The following RBFOX3 variants were observed in gnomAD, a reference collection of about 807,000 sequenced individuals.
RBFOX3 encodes the protein RNA binding fox-1 homolog 3, also known as RNA binding protein fox-1 homolog 3.
In RBFOX3, 17 loss-of-function variants were observed where a neutral mutation model predicts 48.7. That is an observed-to-expected ratio of 0.35 (90% CI 0.24 to 0.52). The LOEUF (loss-of-function observed/expected upper bound fraction) is 0.52. Ranked by LOEUF, RBFOX3 falls within the 20% of genes least tolerant of loss-of-function variation. The pLI is 0.94. For synonymous variants in RBFOX3, 212 were observed against 209.5 expected, an observed-to-expected ratio of 1.01 and a Z score of -0.10; for missense variants, 382 against 497.5, an observed-to-expected ratio of 0.77 and a Z score of 2.21.
chr17:79,156,525 T>C (rs532761546), intron 4 of RBFOX3, among the ~76,000 whole-genome samples: 5 of 152,180 alleles, frequency 3.3e-5, no homozygotes, highest in South Asian at 2.1e-4. Context: ...ACGTCTCCAG[T>C]TGGGCAGGCC....
At chr17:79,121,342 G>A (rs1268915448) in intron 4 of RBFOX3, among the ~76,000 whole-genome samples, 5 of 152,166 alleles carry the variant, frequency 3.3e-5, no homozygotes, top group East Asian at 3.9e-4. Context: ...AGTCTCTCCC[G>A]TGACAGGGAA....
intron 1 of RBFOX3, among the ~76,000 whole-genome samples, chr17:79,548,711 G>A (rs527424020): frequency 1.8e-4 from 27 of 152,334 alleles, no homozygotes; most frequent in African/African-American, 6.5e-4. Flanking sequence ...AGAACAGCCT[G>A]CTACCATCTC....
intron 4 of RBFOX3, among the ~76,000 whole-genome samples, chr17:79,152,559 G>A (rs760584190): frequency 3.3e-5 from 5 of 152,194 alleles, no homozygotes; most frequent in Admixed American, 2.0e-4. Flanking sequence ...CCCCACAAGC[G>A]CCCTGAACCC....
chr17:79,166,262 G>A (rs190909562), intron 4 of RBFOX3, among the ~76,000 whole-genome samples: 5 of 151,940 alleles, frequency 3.3e-5, no homozygotes, highest in Non-Finnish European at 7.4e-5. Flanking sequence ...ACCCCCCAGC[G>A]CAGCCTCCCG....
At chr17:79,244,128 T>A (rs2062792041) in intron 3 of RBFOX3, among the ~76,000 whole-genome samples, 1 of 151,996 alleles carries the variant, frequency 6.6e-6, no homozygotes, top group Admixed American at 6.5e-5. Context: ...TCTTTGCAAA[T>A]GTAATTAGTG....
At chr17:79,461,211 T>C (rs1320490842) in intron 2 of RBFOX3, among the ~76,000 whole-genome samples, 1 of 152,220 alleles carries the variant, frequency 6.6e-6, no homozygotes, top group East Asian at 1.9e-4. Flanking sequence ...ACACATCCTT[T>C]CATTTCACAA....
chr17:79,632,928 T>G, the RBFOX3 span, among the ~76,000 whole-genome samples: 5 of 152,096 alleles, frequency 3.3e-5, no homozygotes, highest in Admixed American at 3.3e-4. Context: ...AAATTTCATT[T>G]AAAACACTCC....
intron 4 of RBFOX3, among the ~76,000 whole-genome samples, chr17:79,130,020 C>T (rs1387755075): frequency 6.6e-6 from 1 of 152,166 alleles, no homozygotes; most frequent in Non-Finnish European, 1.5e-5. Flanking sequence ...CGGGAGGAGG[C>T]TGGGCAGCGC....
At chr17:79,153,049 C>A (rs1339605228) in intron 4 of RBFOX3, among the ~76,000 whole-genome samples, 3 of 152,208 alleles carry the variant, frequency 2.0e-5, no homozygotes, top group African/African-American at 7.2e-5. Flanking sequence ...CATCTGCCCG[C>A]TGGGGCTGCC....
intron 2 of RBFOX3, among the ~76,000 whole-genome samples, chr17:79,456,425 A>G (rs1328610708): frequency 2.6e-5 from 4 of 151,746 alleles, no homozygotes; most frequent in Non-Finnish European, 5.9e-5. Flanking sequence ...TGCCAGGGGC[A>G]GCCCCCTCCC....
chr17:79,476,594 C>T (rs950904774), intron 2 of RBFOX3, among the ~76,000 whole-genome samples: 2 of 152,140 alleles, frequency 1.3e-5, no homozygotes, highest in Admixed American at 6.5e-5. Context: ...ACATGTTTCC[C>T]CTTGAAGGGG....
At chr17:79,258,769 C>T (rs1339494493) in intron 3 of RBFOX3, among the ~76,000 whole-genome samples, 1 of 152,166 alleles carries the variant, frequency 6.6e-6, no homozygotes, top group Admixed American at 6.5e-5. Context: ...AGGAAGGGCT[C>T]ATCTCCTAGT....
At chr17:79,356,248 C>A (rs1034655295) in intron 2 of RBFOX3, among the ~76,000 whole-genome samples, 4 of 150,822 alleles carry the variant, frequency 2.7e-5, no homozygotes, top group Non-Finnish European at 4.4e-5. Context: ...GACCCTCCTG[C>A]AGACGGGGTG....
intron 1 of RBFOX3, among the ~76,000 whole-genome samples, chr17:79,549,615 T>C (rs1376850167): frequency 6.6e-6 from 1 of 152,200 alleles, no homozygotes; most frequent in Non-Finnish European, 1.5e-5. Flanking sequence ...ACACCCAGGA[T>C]GATGGGGGCC....
In RBFOX3 at chr17:79,481,956, G is replaced by A. The variant is rs999606621; in HGVS notation, c.-175+498C>T. On this transcript the variant is annotated intron_variant, in intron 2 of 14. Transcript: ENST00000693108. The surrounding 1 kb of genome is among the most constrained non-coding windows in gnomAD (Gnocchi z 5.4). ...TGTGGAGTCTGACGCTGACTCCGGCGGTTAGTGTCAGAGCTGAACGGCAGT... is the reference window on the plus strand; with the variant it reads ...TGTGGAGTCTGACGCTGACTCCGGCAGTTAGTGTCAGAGCTGAACGGCAGT... Among the ~76,000 whole-genome samples the A allele has an allele frequency of 9.2e-5, 14 of 152,232 alleles. No homozygotes were observed. The highest frequency in any genetic ancestry group is 1.3e-4 in the Non-Finnish European group (9 of 68,002).
At chr17:79,540,271 A>T (rs1555789858) in intron 1 of RBFOX3, among the ~76,000 whole-genome samples, 1 of 152,198 alleles carries the variant, frequency 6.6e-6, no homozygotes, top group East Asian at 1.9e-4. Flanking sequence ...CTTCAAACTC[A>T]TCCTGCTGAG....
intron 2 of RBFOX3, among the ~76,000 whole-genome samples, chr17:79,410,148 T>G (rs1269731429): frequency 1.3e-5 from 2 of 152,218 alleles, no homozygotes; most frequent in Non-Finnish European, 2.9e-5. Context: ...TCAGCATGCG[T>G]GTGCAATGCT....
intron 4 of RBFOX3, among the ~76,000 whole-genome samples, chr17:79,158,781 C>T (rs540867235): frequency 6.6e-6 from 1 of 152,170 alleles, no homozygotes; most frequent in South Asian, 2.1e-4. Flanking sequence ...GGTACAGCCC[C>T]AATTTATGTG....
chr17:79,651,945 G>C, the RBFOX3 span, among the ~76,000 whole-genome samples: 1 of 144,136 alleles, frequency 6.9e-6, no homozygotes, highest in Non-Finnish European at 1.5e-5. Context: ...AGGAACTGCA[G>C]CTCCTGCCAG....
Sources: gnomAD v4.1 joint callset for allele counts (sites outside exome capture counted in the v4.1 genomes callset) on GRCh38, gnomAD v4.1.1 for gene constraint, Gnocchi (gnomAD v3.1) non-coding constraint, MANE v1.5 for transcripts, NCBI Gene and HGNC (gene_info 2026-07-23, HGNC 2026-07-21) for gene names.